Variants in GGA3 observed in about 807,000 individuals in gnomAD.
GGA3 encodes ADP-ribosylation factor-binding protein GGA3.
Under a neutral mutation model 77.5 loss-of-function variants are expected in GGA3, and 57 were observed. That is an observed-to-expected ratio of 0.74 (90% confidence interval 0.59 to 0.92). The LOEUF (loss-of-function observed/expected upper bound fraction) is 0.92. GGA3 is among the 40% of genes least tolerant of loss of function. The pLI is 0.00. For synonymous variants in GGA3, 416 were observed against 383.7 expected (o/e 1.08, Z -0.98); for missense variants, 970 against 914.9 (o/e 1.06, Z -0.78).
intron 3 of GGA3, 109 bp downstream of exon 3, chr17:75,246,400 C>T (rs2076758513): frequency 6.8e-6 from 5 of 732,486 alleles, no homozygotes; most frequent in South Asian, 4.6e-5. Flanking sequence ...GTATCAAGGA[C>T]TTTCTGTTGG....
In GGA3 at chr17:75,239,918, G is replaced by A. The variant is rs370889903; in HGVS notation, c.1454C>T (p.Ser485Phe). 1 of 1,610,376 alleles carries A rather than the reference G, an allele frequency of 6.2e-7. No homozygotes were observed. The highest frequency in any genetic ancestry group is 1.3e-5 in the African/African-American group (1 of 74,786). ...PAPSAGSSLF[S>F]TGVAPALAPK... ...GGCCAAGGCTGGGGCCACTCCAGTA[G>A]AAAACAAGGAGGAGCCCGCACTGGG... The change falls in exon 13 of 17, where the codon TCT (serine) becomes TTT (phenylalanine). Residue 485 changes from serine to phenylalanine, a missense_variant. Physicochemically the swap from Ser to Phe is radical, Grantham distance 155 (BLOSUM62 -2). Coordinates refer to ENST00000537686, the MANE Select transcript of GGA3 (RefSeq NM_138619.4).
At position 75,238,011 on chromosome 17, in the gene GGA3, C is replaced by T. The variant is rs1459303201; in HGVS notation, c.*268G>A. The stretch of plus-strand genomic sequence containing the variant: ...AGCCTGGGGGTCCATGTTCCCGGGA[C>T]AGCAGTGAAGTCAGGGGCCACTCCG... On this transcript the variant is annotated 3_prime_UTR_variant, in exon 17 of 17. Coordinates refer to ENST00000537686, the MANE Select transcript of GGA3 (RefSeq NM_138619.4). 21 of 1,256,408 alleles carry T rather than the reference C, an allele frequency of 1.7e-5. No homozygotes were observed. The highest frequency in any genetic ancestry group is 2.1e-5 in the Non-Finnish European group (21 of 999,712). The allele number at this position is 1,256,408 out of a possible 1,614,324, so 77.8% of individuals were successfully genotyped here.
In GGA3 at chr17:75,241,083, G is replaced by A. The variant is rs763871340; in HGVS notation, c.947-26C>T. The A allele has an allele frequency of 5.0e-6, 8 of 1,613,696 alleles. No homozygotes were observed. In the Admixed American group the frequency reaches 1.3e-4, roughly 27 times the overall value. Reference sequence around the variant, plus strand: ...CTGGATGGGTCAACAGAGCAGAACAGGAATAATTAGGGGTCTTCTAGTGGC... The same window carrying A: ...CTGGATGGGTCAACAGAGCAGAACAAGAATAATTAGGGGTCTTCTAGTGGC... On this transcript the variant is annotated intron_variant, in intron 10 of 16. Transcript: ENST00000537686.
intron 8 of GGA3, 28 bp from the exon 9 acceptor site, chr17:75,241,724 A>C: frequency 9.5e-6 from 15 of 1,581,654 alleles, no homozygotes; most frequent in Non-Finnish European, 1.3e-5. Context: ...ATAAAAATCA[A>C]ACCACAAAGG....
intron 16 of GGA3, 81 bp downstream of exon 16, chr17:75,238,571 G>A (rs1378889513): frequency 1.9e-6 from 2 of 1,069,614 alleles, no homozygotes; most frequent in East Asian, 2.4e-5. Context: ...AACACTTCCA[G>A]CTGGGAGGTG....
rs749823200 is a variant in GGA3 at position 75,240,411 on chromosome 17, G to A, written c.1194C>T (p.Gly398=). The change falls in exon 12 of 17, where the codon GGC becomes GGT. Residue 398 remains glycine (G), a splice_region_variant and synonymous_variant. Coordinates refer to ENST00000537686, the MANE Select transcript of GGA3 (RefSeq NM_138619.4). ...SWLDEELLCL[G]LADPAPNVPP... is the part of the protein sequence containing the mutation. ...GAACATTAGGGGCTGGGTCGGCGAG[G>A]CCTGACAATAGAGAAGAAAACAGGA... is the stretch of plus-strand genomic sequence containing the variant. 1.3e-6 allele frequency: 2 copies of A among 1,589,400 alleles called. No homozygotes were observed. Among genetic ancestry groups the A allele is most frequent in the Non-Finnish European group, 8.6e-7 (1 of 1,166,600 alleles).
At chr17:75,254,155 C>A (rs2077063706) in intron 1 of GGA3, among the ~76,000 whole-genome samples, 1 of 152,152 alleles carries the variant, frequency 6.6e-6, no homozygotes. Context: ...TCCCCTCAGT[C>A]CCAACCCCAA....
rs1244595827 is a variant in GGA3, at chr17:75,251,138, G to T, written c.41-4342C>A. Among the ~76,000 whole-genome samples the T allele has an allele frequency of 3.9e-5, 6 of 152,066 alleles. No homozygotes were observed. The East Asian group carries it at 5.8e-4, about 15-fold the overall frequency. Reference sequence around the variant, plus strand: ...CAAACAAGCAGAAGCAAGAACATGGGCTGGAAAGGGAATAAAGGTCAACCT... The same window carrying T: ...CAAACAAGCAGAAGCAAGAACATGGTCTGGAAAGGGAATAAAGGTCAACCT... On this transcript the variant is annotated intron_variant, in intron 1 of 16. Coordinates refer to ENST00000537686, the MANE Select transcript of GGA3 (RefSeq NM_138619.4).
intron 13 of GGA3, 62 bp from the exon 14 acceptor site, chr17:75,239,633 C>T (rs1311156054): frequency 1.4e-6 from 2 of 1,467,828 alleles, no homozygotes; most frequent in Admixed American, 1.9e-5. Flanking sequence ...GGACTCTCAC[C>T]CAAGGCCCCT....
intron 1 of GGA3, among the ~76,000 whole-genome samples, chr17:75,253,044 G>T (rs1024875002): frequency 2.0e-5 from 3 of 152,172 alleles, no homozygotes; most frequent in African/African-American, 7.2e-5. Context: ...TCACATGGAC[G>T]CGCATGAAAT....
chr17:75,253,415 A>G (rs1210440047), intron 1 of GGA3, among the ~76,000 whole-genome samples: 1 of 152,124 alleles, frequency 6.6e-6, no homozygotes, highest in Admixed American at 6.5e-5. Flanking sequence ...CATTGCAGGG[A>G]CACCTCTCTG....
chr17:75,243,423 G>A (rs779075502), intron 5 of GGA3, 24 bp downstream of exon 5: 1 of 1,613,728 alleles, frequency 6.2e-7, no homozygotes, highest in South Asian at 1.1e-5. Flanking sequence ...GCTGCCTGGA[G>A]GCTGCGGGCA....
upstream of GGA3, chr17:75,262,252 T>A (rs1200412839): frequency 1.6e-6 from 1 of 635,380 alleles, no homozygotes; most frequent in Non-Finnish European, 2.7e-6. Context: ...TGAATTGGGA[T>A]GGGTGTGTAG....
At chr17:75,240,299 G>A (rs756040478) in intron 12 of GGA3, 43 bp downstream of exon 12, 43 of 1,377,864 alleles carry the variant, frequency 3.1e-5, no homozygotes, top group South Asian at 6.2e-5. Context: ...GGAAAGTGGA[G>A]GTCCTTGGCA....
In GGA3 at chr17:75,241,068, C is replaced by A. The variant is rs1423393869; in HGVS notation, c.947-11G>T. ...TGCACTGACTGTTTCCTGGATGGGT[C>A]AACAGAGCAGAACAGGAATAATTAG... is the stretch of plus-strand genomic sequence containing the variant. On this transcript the variant is annotated splice_polypyrimidine_tract_variant and intron_variant, in intron 10 of 16. Coordinates refer to ENST00000537686, the MANE Select transcript of GGA3 (RefSeq NM_138619.4). 6.2e-7 allele frequency: 1 copy of A among 1,613,854 alleles called. No homozygotes were observed. The highest frequency in any genetic ancestry group is 1.3e-5 in the African/African-American group (1 of 74,904).
At chr17:75,253,269 T>C (rs778498230) in intron 1 of GGA3, among the ~76,000 whole-genome samples, 2 of 152,152 alleles carry the variant, frequency 1.3e-5, no homozygotes, top group Non-Finnish European at 2.9e-5. Context: ...TCCTTTCCAC[T>C]CTTCAATCTC....
At chr17:75,242,990 AC>A in intron 6 of GGA3, 72 bp downstream of exon 6, 3 of 1,483,962 alleles carry the variant, frequency 2.0e-6, no homozygotes, top group Non-Finnish European at 2.8e-6. Flanking sequence ...TCCCCGCAGC[AC>A]AGTGCAAACC....
rs1003087514 is a variant in GGA3 at position 75,238,800 on chromosome 17, G to A, written c.1951-38C>T. 8 of 1,583,546 alleles carry A rather than the reference G, an allele frequency of 5.1e-6. No individual in the cohort carries two copies. The African/African-American group carries it at 8.1e-5, about 16-fold the overall frequency. Reference sequence around the variant, plus strand: ...AAACTCCTTTGAAGAGAACTGGTAGGTGCCCCCAGATGGAACCTGCAGTGC... The same window carrying A: ...AAACTCCTTTGAAGAGAACTGGTAGATGCCCCCAGATGGAACCTGCAGTGC... On this transcript the variant is annotated intron_variant, in intron 15 of 16. Transcript: ENST00000537686.
intron 1 of GGA3, chr17:75,249,084 C>T (rs968013029): frequency 9.6e-6 from 8 of 832,460 alleles, no homozygotes; most frequent in African/African-American, 9.2e-5. Flanking sequence ...CTCGCTGTGT[C>T]ACCCAGGCTG....
Sources: allele counts gnomAD v4.1 joint callset (sites outside exome capture counted in the v4.1 genomes callset), GRCh38; gene constraint gnomAD v4.1.1; transcripts MANE v1.5; gene names NCBI Gene and HGNC (gene_info 2026-07-23, HGNC 2026-07-21).